Variants in HOOK3 observed in about 807,000 individuals in gnomAD.
HOOK3 encodes the protein hook microtubule tethering protein 3.
In HOOK3, 24 loss-of-function variants were observed where a neutral mutation model predicts 116.3. The ratio of observed to expected loss-of-function variants is 0.21; its 90% CI spans 0.15 to 0.29. HOOK3 has a LOEUF of 0.29. HOOK3 is among the 10% of genes least tolerant of loss of function. HOOK3 has a pLI of 1.00. For missense variants in HOOK3, 632 were observed against 830.2 expected (o/e 0.76, Z 2.93); for synonymous variants, 275 against 283.0 (o/e 0.97, Z 0.28).
At chr8:42,948,710 T>A (rs1194216399) in intron 5 of HOOK3, among the ~76,000 whole-genome samples, 1 of 152,234 alleles carries the variant, frequency 6.6e-6, no homozygotes, top group Non-Finnish European at 1.5e-5. Flanking sequence ...TTGATACTTT[T>A]GAACAGAACA....
intron 19 of HOOK3, among the ~76,000 whole-genome samples, chr8:43,012,368 T>A (rs1248188669): frequency 6.6e-6 from 1 of 152,236 alleles, no homozygotes; most frequent in Non-Finnish European, 1.5e-5. Flanking sequence ...GTTATTTTTG[T>A]GATAGGACTT....
chr8:42,972,519 T>C (rs1178610637), intron 11 of HOOK3, among the ~76,000 whole-genome samples: 2 of 152,130 alleles, frequency 1.3e-5, no homozygotes, highest in East Asian at 3.8e-4. Context: ...TCAAGTGATC[T>C]TCCCACCTCA....
intron 10 of HOOK3, among the ~76,000 whole-genome samples, chr8:42,967,598 AGAG>A (rs1808655104): frequency 6.6e-6 from 1 of 152,088 alleles, no homozygotes; most frequent in Non-Finnish European, 1.5e-5. Context: ...TCTTAAAAAG[AGAG>A]GGAGTTATTA....
At position 43,018,559 on chromosome 8, in the gene HOOK3, G is replaced by C. The variant is rs1291294517; in HGVS notation, c.*61G>C. On this transcript the variant is annotated 3_prime_UTR_variant, in exon 22 of 22. Transcript: ENST00000307602. Reference sequence around the variant, plus strand: ...CACAACATACTTCTGTTACACACAAGAACATTTCAGGAAACTCAGCCAGCT... The same window carrying C: ...CACAACATACTTCTGTTACACACAACAACATTTCAGGAAACTCAGCCAGCT... 2 of 1,435,110 alleles carry C rather than the reference G, an allele frequency of 1.4e-6. No homozygotes were observed. The highest frequency in any genetic ancestry group is 2.5e-5 in the East Asian group (1 of 40,422). The allele number at this position is 1,435,110 out of a possible 1,614,324, so 88.9% of individuals were successfully genotyped here.
chr8:42,951,761 T>C (rs796144079), intron 6 of HOOK3, among the ~76,000 whole-genome samples: 3 of 151,846 alleles, frequency 2.0e-5, no homozygotes, highest in African/African-American at 7.2e-5. Context: ...GCCAACATGG[T>C]GAAACTTCGT....
chr8:42,959,745 TTCAAG>T (rs1808503834), intron 8 of HOOK3, among the ~76,000 whole-genome samples: 1 of 115,192 alleles, frequency 8.7e-6, no homozygotes, highest in South Asian at 2.5e-4. Context: ...AAAAAAAAAA[TTCAAG>T]AGCATAATTA....
At chr8:42,943,469 T>G (rs779558756) in intron 5 of HOOK3, 24 bp downstream of exon 5, 1 of 1,397,672 alleles carries the variant, frequency 7.2e-7, no homozygotes, top group South Asian at 1.9e-5. Context: ...AGTTAGTGTT[T>G]GCATTTAAAA....
At chr8:42,987,458 G>A (rs1809069687) in intron 15 of HOOK3, among the ~76,000 whole-genome samples, 1 of 152,100 alleles carries the variant, frequency 6.6e-6, no homozygotes, top group Non-Finnish European at 1.5e-5. Context: ...GTTGTTGTCG[G>A]GCTAATAGAG....
chr8:42,930,509 A>T (rs1807852965), intron 4 of HOOK3, among the ~76,000 whole-genome samples: 1 of 152,170 alleles, frequency 6.6e-6, no homozygotes, highest in Non-Finnish European at 1.5e-5. Flanking sequence ...ATTCCTTGGC[A>T]AACCCCCCAC....
chr8:42,964,579 C>G, intron 9 of HOOK3, 105 bp downstream of exon 9: 1 of 1,022,550 alleles, frequency 9.8e-7, no homozygotes, highest in East Asian at 2.6e-5. Flanking sequence ...GGAATCCCAG[C>G]ACTTTGGGAG....
At chr8:42,954,204 CAAAT>C (rs1183583257) in intron 6 of HOOK3, among the ~76,000 whole-genome samples, 3 of 152,100 alleles carry the variant, frequency 2.0e-5, no homozygotes, top group South Asian at 2.1e-4. Flanking sequence ...TGAGGGAAAA[CAAAT>C]AAACTTGCTT....
At chr8:43,010,003 T>C (rs1809574088) in intron 18 of HOOK3, among the ~76,000 whole-genome samples, 1 of 151,884 alleles carries the variant, frequency 6.6e-6, no homozygotes, top group Non-Finnish European at 1.5e-5. Flanking sequence ...TAATATTATA[T>C]CTATGTACTA....
chr8:42,907,189 A>G (rs930297538), intron 2 of HOOK3, among the ~76,000 whole-genome samples: 1 of 152,218 alleles, frequency 6.6e-6, no homozygotes, highest in Non-Finnish European at 1.5e-5. Context: ...TAAAAGATTT[A>G]CATGTCACTA....
intron 1 of HOOK3, among the ~76,000 whole-genome samples, chr8:42,900,501 A>G (rs892647039): frequency 6.6e-6 from 1 of 152,210 alleles, no homozygotes; most frequent in Non-Finnish European, 1.5e-5. Flanking sequence ...TTGGCAGCCT[A>G]TAAAATGCAT....
At chr8:42,909,571 C>T (rs1261362724) in intron 2 of HOOK3, among the ~76,000 whole-genome samples, 1 of 152,204 alleles carries the variant, frequency 6.6e-6, no homozygotes, top group Non-Finnish European at 1.5e-5. Flanking sequence ...TCAGATGATC[C>T]TCCCACCATA....
intron 13 of HOOK3, among the ~76,000 whole-genome samples, chr8:42,976,369 G>C (rs1269581434): frequency 6.6e-6 from 1 of 152,108 alleles, no homozygotes. Context: ...AATTAGCTGG[G>C]TATGGTGGTG....
chr8:42,997,754 A>C (rs111411928), intron 16 of HOOK3, 117 bp downstream of exon 16: 65 of 695,082 alleles, frequency 9.4e-5, no homozygotes, highest in African/African-American at 8.9e-4. Context: ...GGTTATAGAA[A>C]AGAAATAGTG....
chr8:43,005,848 C>A (rs911214629), intron 17 of HOOK3, among the ~76,000 whole-genome samples: 4 of 150,032 alleles, frequency 2.7e-5, no homozygotes, highest in South Asian at 2.1e-4. Context: ...GGCCCCCCCC[C>A]ACCACACCCA....
At chr8:42,940,615 T>A (rs923444539) in intron 4 of HOOK3, among the ~76,000 whole-genome samples, 1 of 152,220 alleles carries the variant, frequency 6.6e-6, no homozygotes, top group African/African-American at 2.4e-5. Context: ...TGCAGAGAGA[T>A]CTGCTGTTAG....
Sources: gnomAD v4.1 joint callset for allele counts (sites outside exome capture counted in the v4.1 genomes callset) on GRCh38, gnomAD v4.1.1 for gene constraint, MANE v1.5 for transcripts, NCBI Gene and HGNC (gene_info 2026-07-23, HGNC 2026-07-21) for gene names.